The following NEDD9 variants were observed in gnomAD, a reference collection of about 807,000 sequenced individuals.
The protein encoded by NEDD9 is enhancer of filamentation 1.
NEDD9 carries 26 observed loss-of-function variants against 76.6 expected under a neutral mutation model. The ratio of observed to expected loss-of-function variants is 0.34; its 90% CI spans 0.25 to 0.47. The LOEUF (loss-of-function observed/expected upper bound fraction) is 0.47, where lower values mean the gene tolerates loss of function less well. Among genes scored for constraint, NEDD9 ranks in the 20% least tolerant of loss-of-function variants. The pLI, the probability that NEDD9 is intolerant of heterozygous loss-of-function variation, is 1.00. For synonymous variants in NEDD9, 392 were observed against 414.2 expected, an observed-to-expected ratio of 0.95 and a Z score of 0.65; for missense variants, 937 against 1,058.5, an observed-to-expected ratio of 0.89 and a Z score of 1.59.
intron 2 of NEDD9, among the ~76,000 whole-genome samples, chr6:11,325,944 G>A (rs1761916936): frequency 1.3e-5 from 2 of 152,132 alleles, no homozygotes; most frequent in Admixed American, 1.3e-4. Context: ...CCAGGAGTTC[G>A]AGATCAGTCT....
intron 3 of NEDD9, among the ~76,000 whole-genome samples, chr6:11,293,600 A>G (rs892749450): frequency 6.6e-6 from 1 of 152,160 alleles, no homozygotes; most frequent in Non-Finnish European, 1.5e-5. Context: ...AATATCTGTC[A>G]CCTCACACCA....
intron 3 of NEDD9, among the ~76,000 whole-genome samples, chr6:11,301,616 A>C (rs577110560): frequency 6.6e-6 from 1 of 152,340 alleles, no homozygotes; most frequent in Non-Finnish European, 1.5e-5. Flanking sequence ...CTTAGTTGGA[A>C]GTAAAGCACT....
intron 2 of NEDD9, chr6:11,201,186 T>A: frequency 1.1e-6 from 1 of 949,520 alleles, no homozygotes; most frequent in East Asian, 2.5e-5. Flanking sequence ...GCTAGGTGCC[T>A]GGGATGGGGC....
At chr6:11,381,661 G>T in intron 1 of NEDD9, among the ~76,000 whole-genome samples, 1 of 152,310 alleles carries the variant, frequency 6.6e-6, no homozygotes, top group Non-Finnish European at 1.5e-5. Flanking sequence ...GATAGGACAC[G>T]CACAGAATCC....
At chr6:11,239,301 C>G (rs971470214) in intron 3 of NEDD9, among the ~76,000 whole-genome samples, 1 of 152,124 alleles carries the variant, frequency 6.6e-6, no homozygotes, top group Non-Finnish European at 1.5e-5. Context: ...AGATTTTGAG[C>G]AATTTATAGA....
upstream of NEDD9, among the ~76,000 whole-genome samples, chr6:11,233,090 A>G (rs1759529559): frequency 6.6e-6 from 1 of 152,122 alleles, no homozygotes; most frequent in African/African-American, 2.4e-5. Flanking sequence ...AACTCCGGGA[A>G]CAAAAGGTTT....
At position 11,213,150 on chromosome 6, in the gene NEDD9, G is replaced by A; in HGVS notation, c.459+131C>T. ...GCAAAATCATGCAAACATGATGCCT[G>A]AGCTAAGGTATTGGTTATATCTACT... On this transcript the variant is annotated intron_variant, in intron 2 of 6. Coordinates refer to ENST00000379446, the MANE Select transcript of NEDD9 (RefSeq NM_006403.4). This position sits in a 1 kb window ranked among gnomAD's most constrained non-coding sequence, Gnocchi z 5.4. 1 of 836,734 alleles carries A rather than the reference G, an allele frequency of 1.2e-6. No individual in the cohort carries two copies. Among genetic ancestry groups the A allele is most frequent in the South Asian group, 1.8e-5 (1 of 54,430 alleles). 51.8% of individuals were successfully genotyped at this position (836,734 alleles called of 1,614,324 possible). A position where few individuals can be genotyped will look rare whatever the true frequency, so the allele number is the denominator to read the frequency against.
chr6:11,190,090 G>A lies in NEDD9; in HGVS notation c.1779C>T (p.Asp593=). The change falls in exon 5 of 7, where the codon GAC becomes GAT. Residue 593 remains aspartate (D), a synonymous_variant. Coordinates refer to ENST00000379446, the MANE Select transcript of NEDD9 (RefSeq NM_006403.4). The surrounding 1 kb of genome is among the most constrained non-coding windows in gnomAD (Gnocchi z 5.8). ...GSQGQLLHPG[D]HKAQAHNKAL... ...CCTTGTTGTGGGCCTGGGCCTTGTGGTCACCAGGATGCAGCAGCTGTCCCT... is the reference window on the plus strand; with the variant it reads ...CCTTGTTGTGGGCCTGGGCCTTGTGATCACCAGGATGCAGCAGCTGTCCCT... The A allele has an allele frequency of 6.2e-7, 1 of 1,608,776 alleles. No individual in the cohort carries two copies. Among genetic ancestry groups the A allele is most frequent in the Non-Finnish European group, 8.5e-7 (1 of 1,176,852 alleles).
upstream of NEDD9, among the ~76,000 whole-genome samples, chr6:11,236,915 G>A (rs983638683): frequency 1.3e-5 from 2 of 151,938 alleles, no homozygotes; most frequent in Admixed American, 6.6e-5. The surrounding 1 kb of genome is among the most constrained non-coding windows in gnomAD (Gnocchi z 5.5). Context: ...CTCTACCGCC[G>A]ACCCCCATCC....
At chr6:11,364,684 G>A (rs1179177862) in intron 1 of NEDD9, among the ~76,000 whole-genome samples, 2 of 146,096 alleles carry the variant, frequency 1.4e-5, no homozygotes, top group African/African-American at 5.1e-5. Context: ...CATATTAAGT[G>A]CTCAATAAAA....
At chr6:11,240,654 T>C (rs1386384201) in intron 3 of NEDD9, among the ~76,000 whole-genome samples, 3 of 152,242 alleles carry the variant, frequency 2.0e-5, no homozygotes, top group Non-Finnish European at 4.4e-5. Context: ...TACCTTTTTT[T>C]CTTCAAAGAA....
rs140618322 is a variant in NEDD9 at position 11,306,518 on chromosome 6, C to T, written c.-152-363G>A. Among the ~76,000 whole-genome samples, 4 of 152,224 alleles carry T rather than the reference C, an allele frequency of 2.6e-5. No individual in the cohort carries two copies. In the South Asian group the frequency reaches 6.2e-4, roughly 24 times the overall value. ...GGTGGAGTCTTGAGAGATGGGTAGA[C>T]GTTTGCCAGATGTTTTGTATGGATA... On this transcript the variant is annotated intron_variant, in intron 2 of 3. Transcript: ENST00000397378.
intron 3 of NEDD9, among the ~76,000 whole-genome samples, chr6:11,293,338 G>T (rs1004046749): frequency 3.6e-4 from 54 of 152,056 alleles, no homozygotes; most frequent in Non-Finnish European, 7.3e-5. Flanking sequence ...AGACCTTTCT[G>T]GCGCCACAGT....
At chr6:11,277,771 G>A (rs79232548) in intron 3 of NEDD9, among the ~76,000 whole-genome samples, 10,535 of 152,250 alleles carry the variant, frequency 0.069, 377 homozygotes, top group Middle Eastern at 0.14. Flanking sequence ...TGATTCTACA[G>A]CGGATGTTGT....
chr6:11,314,443 G>A (rs768562474), intron 2 of NEDD9, among the ~76,000 whole-genome samples: 9 of 152,256 alleles, frequency 5.9e-5, no homozygotes, highest in African/African-American at 9.6e-5. Context: ...GAAGGAAGGC[G>A]TACTCTTGGA....
intron 1 of NEDD9, among the ~76,000 whole-genome samples, chr6:11,381,729 A>C (rs1168635411): frequency 1.3e-5 from 2 of 152,204 alleles, no homozygotes; most frequent in East Asian, 3.8e-4. Flanking sequence ...GCTGAAAAGG[A>C]CGTAAATGAT....
At chr6:11,188,720 G>T (rs1205968469) in intron 5 of NEDD9, among the ~76,000 whole-genome samples, 5 of 152,136 alleles carry the variant, frequency 3.3e-5, no homozygotes, top group Non-Finnish European at 7.4e-5. Context: ...CCACTGTGCA[G>T]GGTCAGACAA....
chr6:11,207,480 G>C (rs1232329603), intron 2 of NEDD9: 1 of 152,186 alleles, frequency 6.6e-6, no homozygotes, highest in African/African-American at 2.4e-5. Context: ...TGGAAGACCT[G>C]GCTAAAACCT....
intron 3 of NEDD9, chr6:11,305,964 T>A: frequency 6.2e-7 from 1 of 1,613,076 alleles, no homozygotes; most frequent in African/African-American, 1.3e-5. Flanking sequence ...GAATCACAAA[T>A]TGTCTGTTTT....
Sources: allele counts gnomAD v4.1 joint callset (sites outside exome capture counted in the v4.1 genomes callset), GRCh38; gene constraint gnomAD v4.1.1; non-coding constraint Gnocchi (gnomAD v3.1); transcripts MANE v1.5; gene names NCBI Gene and HGNC (gene_info 2026-07-23, HGNC 2026-07-21).